Variants in CDH2 observed in about 807,000 individuals in gnomAD.
CDH2 encodes the protein cadherin-2.
CDH2 carries 17 observed loss-of-function variants against 92.0 expected under a neutral mutation model. That is an observed-to-expected ratio of 0.18 (90% CI 0.13 to 0.28). The LOEUF is 0.28. Ranked by LOEUF, CDH2 falls within the 10% of genes least tolerant of loss-of-function variation. The pLI, the probability that CDH2 is intolerant of heterozygous loss-of-function variation, is 1.00. For missense variants in CDH2, 862 were observed against 1,133.1 expected (o/e 0.76, Z 3.44); for synonymous variants, 419 against 415.9 (o/e 1.01, Z -0.09).
At chr18:28,164,821 G>A (rs973989419) in intron 1 of CDH2, among the ~76,000 whole-genome samples, 1 of 152,152 alleles carries the variant, frequency 6.6e-6, no homozygotes, top group African/African-American at 2.4e-5. Context: ...ATCACTGGCA[G>A]AATTAACACT....
chr18:28,044,157 C>A (rs1185592896), intron 2 of CDH2, among the ~76,000 whole-genome samples: 1 of 152,080 alleles, frequency 6.6e-6, no homozygotes, highest in Non-Finnish European at 1.5e-5. Context: ...AAGTGATCCA[C>A]CCGCCTCAGC....
At chr18:28,029,259 C>T (rs1288544148) in intron 2 of CDH2, among the ~76,000 whole-genome samples, 1 of 152,002 alleles carries the variant, frequency 6.6e-6, no homozygotes, top group Non-Finnish European at 1.5e-5. Context: ...AAATGGATTC[C>T]ACTTTTAATG....
In CDH2 at chr18:28,126,843, G is replaced by A. The variant is rs183796116; in HGVS notation, c.172+20830C>T. ...CTAAAATTGAAAGGTGGACAGAGGG[G>A]ACAAGTAGTCTCCAGAGAAACAGAC... On this transcript the variant is annotated intron_variant, in intron 2 of 15. Transcript: ENST00000269141. 1.4e-4 allele frequency among the ~76,000 whole-genome samples: 22 copies of A among 152,270 alleles called. No individual in the cohort carries two copies. The East Asian group carries it at 3.9e-3, about 27-fold the overall frequency.
chr18:28,065,629 G>A (rs755529858), intron 2 of CDH2, among the ~76,000 whole-genome samples: 3 of 152,142 alleles, frequency 2.0e-5, no homozygotes, highest in African/African-American at 4.8e-5. Context: ...GTAACTAGCC[G>A]TAGAATTGGT....
At chr18:28,095,028 G>T (rs2015106947) in intron 2 of CDH2, among the ~76,000 whole-genome samples, 1 of 152,048 alleles carries the variant, frequency 6.6e-6, no homozygotes, top group South Asian at 2.1e-4. Flanking sequence ...TTAATAAGGT[G>T]TCTTGACTCA....
chr18:27,936,599 A>C (rs1466455307), intron 6 of CDH2, among the ~76,000 whole-genome samples: 2 of 151,950 alleles, frequency 1.3e-5, no homozygotes, highest in African/African-American at 4.8e-5. Context: ...GTGCTATCAC[A>C]GCTCCCTGCA....
intron 1 of CDH2, among the ~76,000 whole-genome samples, chr18:28,160,251 G>A (rs981785207): frequency 6.6e-6 from 1 of 152,072 alleles, no homozygotes; most frequent in Non-Finnish European, 1.5e-5. Flanking sequence ...CCTTAGCCCA[G>A]TGGTGAACAA....
chr18:28,054,152 G>GT (rs2014246664), intron 2 of CDH2, among the ~76,000 whole-genome samples: 1 of 152,138 alleles, frequency 6.6e-6, no homozygotes, highest in Admixed American at 6.5e-5. Flanking sequence ...CCATAGGTAG[G>GT]TAAGGTTACT....
At chr18:28,148,422 G>A (rs755202499) in intron 1 of CDH2, among the ~76,000 whole-genome samples, 1 of 152,102 alleles carries the variant, frequency 6.6e-6, no homozygotes, top group African/African-American at 2.4e-5. Context: ...CCAAGTATCT[G>A]TCATTTTCTA....
chr18:28,036,108 A>C (rs183315286), intron 2 of CDH2, among the ~76,000 whole-genome samples: 1 of 152,316 alleles, frequency 6.6e-6, no homozygotes, highest in African/African-American at 2.4e-5. Context: ...CTATAATAAA[A>C]GGTGCAAATA....
rs141476194 is a variant in CDH2, at chr18:27,989,775, G to T, written c.1598+322C>A. 2.0e-5 allele frequency among the ~76,000 whole-genome samples: 3 copies of T among 152,136 alleles called. No homozygotes were observed. The South Asian group carries it at 6.2e-4, about 32-fold the overall frequency. On this transcript the variant is annotated intron_variant, in intron 10 of 15. Coordinates refer to ENST00000269141, the MANE Select transcript of CDH2 (RefSeq NM_001792.5). ...TTATAAGCCTCTGAAAGTTCCCTGC[G>T]GAACCTTTTTGTGATGTTTGGCATA... is the stretch of plus-strand genomic sequence containing the variant.
At position 28,177,081 on chromosome 18, in the gene CDH2, C is replaced by A. The variant is rs185851839; in HGVS notation, c.-59G>T. 1,888 of 1,049,372 alleles carry A rather than the reference C, an allele frequency of 1.8e-3. 2 individuals carry two copies. Among genetic ancestry groups the A allele is most frequent in the South Asian group, 4.3e-3 (263 of 60,480 alleles). 65.0% of individuals were successfully genotyped at this position (1,049,372 alleles called of 1,614,324 possible). ...GAGGCGGCGGCGGCGGCGGCGGCGG[C>A]GGAGGAGGAGGAGGCAGCGGCAGCA... On this transcript the variant is annotated 5_prime_UTR_variant, in exon 1 of 16. Transcript: ENST00000269141.
chr18:28,136,605 G>T (rs1439754620), intron 2 of CDH2, among the ~76,000 whole-genome samples: 1 of 152,068 alleles, frequency 6.6e-6, no homozygotes, highest in African/African-American at 2.4e-5. Context: ...TGTTTTAGAT[G>T]ATGGTAATGT....
intron 2 of CDH2, among the ~76,000 whole-genome samples, chr18:28,068,898 T>C (rs185387360): frequency 4.6e-5 from 7 of 152,324 alleles, no homozygotes; most frequent in East Asian, 1.9e-4. Flanking sequence ...TTAGATTACA[T>C]AGAGGACAAG....
At chr18:28,157,672 G>C (rs1021691196) in intron 1 of CDH2, among the ~76,000 whole-genome samples, 2 of 152,110 alleles carry the variant, frequency 1.3e-5, no homozygotes, top group African/African-American at 4.8e-5. Context: ...TTGAGACTAA[G>C]TGAAAAATCT....
chr18:28,158,484 G>A (rs1209765543), intron 1 of CDH2, among the ~76,000 whole-genome samples: 1 of 152,194 alleles, frequency 6.6e-6, no homozygotes, highest in Non-Finnish European at 1.5e-5. Flanking sequence ...TAGTTTCACA[G>A]TGTAACCCAT....
At chr18:28,032,730 GT>G (rs2013728370) in intron 2 of CDH2, among the ~76,000 whole-genome samples, 3 of 152,104 alleles carry the variant, frequency 2.0e-5, no homozygotes, top group Admixed American at 2.0e-4. Flanking sequence ...GTCACAGAGT[GT>G]AAGTTTCCTG....
Position 28,012,000 on chromosome 18 carries a change from T to G in CDH2, c.400-8A>C, listed in dbSNP as rs1364199453. 6.2e-7 allele frequency: 1 copy of G among 1,611,712 alleles called. No homozygotes were observed. The highest frequency in any genetic ancestry group is 8.5e-7 in the Non-Finnish European group (1 of 1,178,694). ...TTCAACTTCTGCTGACTCCTTTACA[T>G]TAAAATAGAAGACATTCCTGAGTAC... On this transcript the variant is annotated splice_polypyrimidine_tract_variant and splice_region_variant and intron_variant, in intron 3 of 15. Transcript: ENST00000269141.
chr18:28,129,918 T>C (rs1163246834), intron 2 of CDH2, among the ~76,000 whole-genome samples: 1 of 152,206 alleles, frequency 6.6e-6, no homozygotes, highest in African/African-American at 2.4e-5. Context: ...TAGAACTACA[T>C]AAGAAAAGCG....
Sources: allele counts gnomAD v4.1 joint callset (sites outside exome capture counted in the v4.1 genomes callset), GRCh38; gene constraint gnomAD v4.1.1; transcripts MANE v1.5; gene names NCBI Gene and HGNC (gene_info 2026-07-23, HGNC 2026-07-21).